The following SOX6 variants were observed in gnomAD, a reference collection of about 807,000 sequenced individuals.
SOX6 encodes transcription factor SOX-6.
In SOX6, 11 loss-of-function variants were observed where a neutral mutation model predicts 97.8. The ratio of observed to expected loss-of-function variants is 0.11; its 90% CI spans 0.07 to 0.19. The LOEUF (loss-of-function observed/expected upper bound fraction) is 0.19, where lower values mean the gene tolerates loss of function less well. SOX6 is among the 10% of genes least tolerant of loss of function. The pLI, the probability that SOX6 is intolerant of heterozygous loss-of-function variation, is 1.00. For missense variants in SOX6, 810 were observed against 1,039.5 expected, an observed-to-expected ratio of 0.78 and a Z score of 3.04; for synonymous variants, 360 against 371.4, an observed-to-expected ratio of 0.97 and a Z score of 0.35.
chr11:16,206,716 A>G (rs1207865842), intron 4 of SOX6, among the ~76,000 whole-genome samples: 2 of 152,230 alleles, frequency 1.3e-5, no homozygotes, highest in African/African-American at 2.4e-5. Context: ...ATTAAAATCT[A>G]TTTTAGAGTC....
intron 9 of SOX6, among the ~76,000 whole-genome samples, chr11:16,074,783 G>C (rs951032241): frequency 6.6e-6 from 1 of 152,076 alleles, no homozygotes; most frequent in Non-Finnish European, 1.5e-5. Context: ...TGTTAAAATG[G>C]CCATACTGCC....
At chr11:16,394,774 T>A (rs1450981439) in intron 1 of SOX6, among the ~76,000 whole-genome samples, 83 of 151,946 alleles carry the variant, frequency 5.5e-4, no homozygotes, top group Non-Finnish European at 8.8e-5. Context: ...TCCAGATTTT[T>A]AGAGCCCATT....
intron 3 of SOX6, among the ~76,000 whole-genome samples, chr11:16,638,804 A>G (rs1848839561): frequency 6.6e-6 from 1 of 152,132 alleles, no homozygotes; most frequent in African/African-American, 2.4e-5. Flanking sequence ...AGTTCTTTGT[A>G]GATTCTTGAT....
At chr11:16,267,728 A>G (rs1412861316) in intron 3 of SOX6, among the ~76,000 whole-genome samples, 2 of 151,632 alleles carry the variant, frequency 1.3e-5, no homozygotes, top group Non-Finnish European at 3.0e-5. Flanking sequence ...AGTATGTCAA[A>G]GAGATGTCTG....
At chr11:16,490,700 A>G (rs1385877660) in intron 4 of SOX6, among the ~76,000 whole-genome samples, 1 of 152,116 alleles carries the variant, frequency 6.6e-6, no homozygotes, top group African/African-American at 2.4e-5. Context: ...ATATTCTCAA[A>G]ATATTTAGCT....
chr11:16,243,638 T>C (rs1364039413), intron 3 of SOX6, among the ~76,000 whole-genome samples: 1 of 151,974 alleles, frequency 6.6e-6, no homozygotes, highest in Non-Finnish European at 1.5e-5. Context: ...AGAACATTTC[T>C]AAAAAGTTAT....
At chr11:16,026,066 C>T (rs1263457267) in intron 12 of SOX6, among the ~76,000 whole-genome samples, 1 of 152,092 alleles carries the variant, frequency 6.6e-6, no homozygotes, top group African/African-American at 2.4e-5. Flanking sequence ...CCTGCTCCTT[C>T]CACTGAGCTA....
intron 6 of SOX6, among the ~76,000 whole-genome samples, chr11:16,178,374 A>G (rs1244876684): frequency 6.6e-6 from 1 of 152,024 alleles, no homozygotes; most frequent in Non-Finnish European, 1.5e-5. Flanking sequence ...TTTAAAGTTA[A>G]TTAGATTACA....
At chr11:16,636,688 AT>A (rs1231747758) in intron 3 of SOX6, among the ~76,000 whole-genome samples, 2 of 152,002 alleles carry the variant, frequency 1.3e-5, no homozygotes, top group Non-Finnish European at 2.9e-5. Context: ...CATAATCCCC[AT>A]TTGTTGTGGG....
intron 4 of SOX6, among the ~76,000 whole-genome samples, chr11:16,569,271 T>G (rs1162282455): frequency 6.6e-6 from 1 of 152,188 alleles, no homozygotes; most frequent in Non-Finnish European, 1.5e-5. Context: ...AAGTTAGGGA[T>G]TATATCAAAA....
At chr11:16,373,855 GGAA>G (rs1857565304) in intron 1 of SOX6, among the ~76,000 whole-genome samples, 1 of 75,376 alleles carries the variant, frequency 1.3e-5, no homozygotes, top group Non-Finnish European at 3.0e-5. Context: ...AAGGAAGGAA[GGAA>G]GGAAGGAAGG....
intron 4 of SOX6, among the ~76,000 whole-genome samples, chr11:16,496,791 A>C (rs1335035911): frequency 2.0e-5 from 3 of 152,192 alleles, no homozygotes; most frequent in East Asian, 3.9e-4. Flanking sequence ...ACCACTGCTG[A>C]GGCTTGAGTA....
At chr11:16,161,474 G>A (rs1850748206) in intron 6 of SOX6, among the ~76,000 whole-genome samples, 1 of 151,852 alleles carries the variant, frequency 6.6e-6, no homozygotes, top group Admixed American at 6.6e-5. Context: ...CAAATATTAT[G>A]TCAAGTTTAT....
In SOX6 at chr11:16,682,510, A is replaced by C. The variant is rs551392815; in HGVS notation, n.429+32320T>G. ...ACCACATGATTATCTCAACAGATGC[A>C]GAAGAAGCCTTCAACAAAATTCAAC... is the stretch of plus-strand genomic sequence containing the variant. On this transcript the variant is annotated intron_variant and non_coding_transcript_variant, in intron 3 of 5. Transcript: ENST00000524520. Among the ~76,000 whole-genome samples, 3 of 152,226 alleles carry C rather than the reference A, an allele frequency of 2.0e-5. No individual in the cohort carries two copies. In the East Asian group the frequency reaches 5.8e-4, roughly 30 times the overall value.
intron 6 of SOX6, among the ~76,000 whole-genome samples, chr11:16,114,718 C>T (rs975154328): frequency 6.6e-6 from 1 of 152,124 alleles, no homozygotes; most frequent in African/African-American, 2.4e-5. Context: ...ATCTAGAAAA[C>T]CATGAGAAAG....
intron 3 of SOX6, among the ~76,000 whole-genome samples, chr11:16,676,096 T>G (rs1019064641): frequency 5.9e-5 from 9 of 152,198 alleles, no homozygotes; most frequent in African/African-American, 1.9e-4. Flanking sequence ...CTCATTTTCA[T>G]TCATTCATTT....
At chr11:16,345,545 A>G (rs1856753863) in intron 1 of SOX6, among the ~76,000 whole-genome samples, 1 of 152,054 alleles carries the variant, frequency 6.6e-6, no homozygotes, top group Non-Finnish European at 1.5e-5. Context: ...TTTTACTCCA[A>G]AACACCAGTA....
chr11:16,344,227 CT>C (rs200236153), intron 1 of SOX6, among the ~76,000 whole-genome samples: 2 of 151,386 alleles, frequency 1.3e-5, no homozygotes, highest in Admixed American at 6.6e-5. Flanking sequence ...TTGTTTACAT[CT>C]TTTTTTTACA....
intron 1 of SOX6, among the ~76,000 whole-genome samples, chr11:16,370,062 A>G (rs1565117081): frequency 6.6e-6 from 1 of 152,090 alleles, no homozygotes; most frequent in Non-Finnish European, 1.5e-5. Flanking sequence ...TGATTACAGC[A>G]TAAGCCATGC....
Sources: allele counts gnomAD v4.1 joint callset (sites outside exome capture counted in the v4.1 genomes callset), GRCh38; gene constraint gnomAD v4.1.1; transcripts MANE v1.5; gene names NCBI Gene and HGNC (gene_info 2026-07-23, HGNC 2026-07-21).